The following GLDC variants were observed in gnomAD, a reference collection of about 807,000 sequenced individuals.
GLDC encodes glycine decarboxylase.
Under a neutral mutation model 121.3 loss-of-function variants are expected in GLDC, and 104 were observed. The ratio of observed to expected loss-of-function variants is 0.86; its 90% CI spans 0.73 to 1.01. The LOEUF (loss-of-function observed/expected upper bound fraction) is 1.01. GLDC is among the 50% of genes least tolerant of loss of function. The pLI is 0.00. For synonymous variants in GLDC, 546 were observed against 480.6 expected (o/e 1.14, Z -1.78); for missense variants, 1,429 against 1,306.6 (o/e 1.09, Z -1.44).
At chr9:6,558,848 A>C (rs2129735837) in intron 16 of GLDC, among the ~76,000 whole-genome samples, 164 bp from the exon 17 acceptor site, 1 of 152,372 alleles carries the variant, frequency 6.6e-6, no homozygotes, top group East Asian at 1.9e-4. Context: ...ATTATTTGTC[A>C]TTGCAAAGCA....
At chr9:6,639,231 G>T (rs938370626) in intron 2 of GLDC, 12 of 910,308 alleles carry the variant, frequency 1.3e-5, no homozygotes, top group Non-Finnish European at 9.1e-6. Flanking sequence ...AGTGTTGAAA[G>T]GTGTCCACAG....
intron 2 of GLDC, among the ~76,000 whole-genome samples, chr9:6,623,425 G>C (rs1010397142): frequency 4.6e-4 from 68 of 148,278 alleles, no homozygotes; most frequent in Non-Finnish European, 8.5e-4. Context: ...CAGCATGCTC[G>C]TTAAGAGTCA....
intron 21 of GLDC, among the ~76,000 whole-genome samples, chr9:6,545,114 A>T (rs1817360341): frequency 6.6e-6 from 1 of 151,954 alleles, no homozygotes; most frequent in South Asian, 2.1e-4. Context: ...AAAAGAAAAA[A>T]AAAAAAGTAT....
rs187451395 is a variant in GLDC at position 6,638,997 on chromosome 9, A to C, written c.334+5617T>G. On this transcript the variant is annotated intron_variant, in intron 2 of 24. Coordinates refer to ENST00000321612, the MANE Select transcript of GLDC (RefSeq NM_000170.3). The stretch of plus-strand genomic sequence containing the variant: ...GCACTCTAGCCTGGGCAACAGAGCG[A>C]GACTCTGTCTCAGAAAAAAAAAAAA... 9.2e-4 allele frequency: 395 copies of C among 429,202 alleles called. 5 individuals are homozygous for C. Among genetic ancestry groups the C allele is most frequent in the Non-Finnish European group, 1.5e-3 (360 of 234,204 alleles). 26.6% of individuals were successfully genotyped at this position (429,202 alleles called of 1,614,324 possible).
intron 15 of GLDC, among the ~76,000 whole-genome samples, chr9:6,581,500 G>A (rs1818170288): frequency 6.6e-6 from 1 of 152,214 alleles, no homozygotes. Flanking sequence ...AGGCATAGTG[G>A]CGTCTCTGAC....
intron 21 of GLDC, among the ~76,000 whole-genome samples, chr9:6,547,020 C>T (rs1468498515): frequency 6.6e-6 from 1 of 151,788 alleles, no homozygotes; most frequent in African/African-American, 2.4e-5. Context: ...AATACATAAA[C>T]CAGCAGCATA....
chr9:6,543,645 T>A (rs2129678060), intron 21 of GLDC, among the ~76,000 whole-genome samples: 1 of 152,274 alleles, frequency 6.6e-6, no homozygotes, highest in African/African-American at 2.4e-5. Context: ...TCTCTCTCCA[T>A]CTCTATGTGA....
At chr9:6,629,931 A>ATATATATGTATATATATATACATATATG (rs1036921620) in intron 2 of GLDC, among the ~76,000 whole-genome samples, 1 of 82,486 alleles carries the variant, frequency 1.2e-5, no homozygotes, top group Non-Finnish European at 2.1e-5. Flanking sequence ...GCTTTTCACT[A>ATATATATGTATATATATATACATATATG]TATATATATA....
Position 6,620,207 on chromosome 9 carries a change from C to A in GLDC, c.447G>T (p.Arg149=), listed in dbSNP as rs539491832. The A allele has an allele frequency of 6.2e-7, 1 of 1,613,382 alleles. No homozygotes were observed. Among genetic ancestry groups the A allele is most frequent in the East Asian group, 2.2e-5 (1 of 44,878 alleles). The part of the protein sequence containing the change: ...YNCSVPQTIL[R]NLLENSGWIT... ...ACCATCCTGAGTTCTCCAGTAAGTT[C>A]CGCAAAATCGTCTGTGGCACTGAGC... The change falls in exon 3 of 25, where the codon CGG becomes CGT. Residue 149 remains arginine (R), a synonymous_variant. Transcript: ENST00000321612.
chr9:6,585,682 G>A (rs1447779617), intron 15 of GLDC, among the ~76,000 whole-genome samples: 1 of 152,124 alleles, frequency 6.6e-6, no homozygotes, highest in South Asian at 2.1e-4. Context: ...CTCCCAGAGG[G>A]GTCAACTCTG....
At chr9:6,644,050 A>AAAAAACC (rs55988287) in intron 2 of GLDC, among the ~76,000 whole-genome samples, 1 of 92,702 alleles carries the variant, frequency 1.1e-5, no homozygotes, top group Admixed American at 1.4e-4. Context: ...AAAAAAAAAA[A>AAAAAACC]CGAAAAAAAA....
intron 3 of GLDC, among the ~76,000 whole-genome samples, chr9:6,618,828 C>G (rs116909518): frequency 2.2e-3 from 336 of 151,812 alleles, no homozygotes; most frequent in Non-Finnish European, 4.1e-3. Context: ...CACAGATGAA[C>G]ACACACACAC....
chr9:6,610,778 T>C (rs930580812), intron 3 of GLDC, among the ~76,000 whole-genome samples: 14 of 152,190 alleles, frequency 9.2e-5, no homozygotes, highest in Non-Finnish European at 1.3e-4. Context: ...TTTTGTATTC[T>C]TTGTACAGCC....
chr9:6,599,184 C>CA lies in GLDC; in HGVS notation c.1155+2924dup, dbSNP rs1312853704. Reference sequence around the variant, plus strand: ...GGGCAACAAGAGAAAGACTCCGTCTCAAAAAAAAAAAAAAGAAAGAAACAG... The same window carrying CA: ...GGGCAACAAGAGAAAGACTCCGTCTCAAAAAAAAAAAAAAAGAAAGAAACAG... On this transcript the variant is annotated intron_variant, in intron 8 of 24. Coordinates refer to ENST00000321612, the MANE Select transcript of GLDC (RefSeq NM_000170.3). Among the ~76,000 whole-genome samples, 523 of 115,914 alleles carry CA rather than the reference C, an allele frequency of 4.5e-3. 3 individuals are homozygous for CA. Among genetic ancestry groups the CA allele is most frequent in the African/African-American group, 5.9e-3 (189 of 32,146 alleles). The allele number at this position is 115,914 out of a possible 152,430, so 76.0% of individuals were successfully genotyped here.
rs921139091 is a variant in GLDC, at chr9:6,617,368, G to A, written c.470+2816C>T. On this transcript the variant is annotated intron_variant, in intron 3 of 24. Coordinates refer to ENST00000321612, the MANE Select transcript of GLDC (RefSeq NM_000170.3). ...ATTAACATCCGCCCACAGCCAGAAA[G>A]CAATATGGTGAATATTCTTTATGGC... is the stretch of plus-strand genomic sequence containing the variant. Among the ~76,000 whole-genome samples, 3 of 152,286 alleles carry A rather than the reference G, an allele frequency of 2.0e-5. No homozygotes were observed. In the South Asian group the frequency reaches 6.2e-4, roughly 32 times the overall value.
chr9:6,620,101 T>G, intron 3 of GLDC, 83 bp downstream of exon 3: 4 of 1,401,158 alleles, frequency 2.9e-6, no homozygotes, highest in Non-Finnish European at 4.0e-6. Context: ...GTGGAGGCTC[T>G]GAGACTGCAA....
chr9:6,619,026 C>T (rs1819023579), intron 3 of GLDC, among the ~76,000 whole-genome samples: 2 of 151,646 alleles, frequency 1.3e-5, no homozygotes, highest in South Asian at 4.2e-4. Context: ...ACCTGTAATC[C>T]CAGCTACTCG....
Position 6,593,003 on chromosome 9 carries a change from G to C in GLDC, c.1262-13C>G, listed in dbSNP as rs1167393764. The stretch of plus-strand genomic sequence containing the variant: ...GCTCGCTTGAGACCTACACAAGATA[G>C]GAGATCCCCCAAACTCTCATATAGA... On this transcript the variant is annotated splice_polypyrimidine_tract_variant and intron_variant, in intron 9 of 24. Coordinates refer to ENST00000321612, the MANE Select transcript of GLDC (RefSeq NM_000170.3). 6.2e-7 allele frequency: 1 copy of C among 1,613,896 alleles called. No homozygotes were observed. Among genetic ancestry groups the C allele is most frequent in the Non-Finnish European group, 8.5e-7 (1 of 1,179,746 alleles).
At chr9:6,543,069 G>A (rs567523240) in intron 21 of GLDC, among the ~76,000 whole-genome samples, 1 of 152,074 alleles carries the variant, frequency 6.6e-6, no homozygotes, top group South Asian at 2.1e-4. Flanking sequence ...TTGAGCTTGG[G>A]AGTTGGAGAC....
Sources: allele counts gnomAD v4.1 joint callset (sites outside exome capture counted in the v4.1 genomes callset), GRCh38; gene constraint gnomAD v4.1.1; transcripts MANE v1.5; gene names NCBI Gene and HGNC (gene_info 2026-07-23, HGNC 2026-07-21).